CDK20: variants seen among roughly 807,000 people sequenced by gnomAD.
CDK20 encodes cyclin-dependent kinase 20.
A neutral mutation model predicts 38.6 loss-of-function variants in CDK20; 40 were observed. That is an observed-to-expected ratio of 1.04 (90% CI 0.81 to 1.35). The LOEUF (loss-of-function observed/expected upper bound fraction) is 1.35. Among genes scored for constraint, CDK20 ranks in the 40% most tolerant of loss-of-function variants. The pLI is 0.00. For missense variants in CDK20, 512 were observed against 452.6 expected (o/e 1.13, Z -1.19); for synonymous variants, 209 against 185.7 (o/e 1.13, Z -1.02).
chr9:87,967,892 G>GA (rs1340686901), intron 7 of CDK20: 1 of 490,790 alleles, frequency 2.0e-6, no homozygotes, highest in East Asian at 3.2e-5. Context: ...TAAACAAGAT[G>GA]AAGTAAAATA....
intron 2 of CDK20, 68 bp downstream of exon 2, chr9:87,973,854 T>TG: frequency 4.0e-6 from 6 of 1,509,900 alleles, no homozygotes; most frequent in Non-Finnish European, 4.5e-6. Flanking sequence ...GCTGGGAAAA[T>TG]GAAGGCACAA....
chr9:87,973,779 C>T (rs1830029856), intron 2 of CDK20, 143 bp downstream of exon 2: 2 of 789,800 alleles, frequency 2.5e-6, no homozygotes, highest in Non-Finnish European at 4.0e-6. Flanking sequence ...GGTAAGGAGG[C>T]AGATGAATGA....
At position 87,969,235 on chromosome 9, in the gene CDK20, A is replaced by G. The variant is rs1290224899; in HGVS notation, c.802T>C (p.Phe268Leu). 1.2e-6 allele frequency: 2 copies of G among 1,614,018 alleles called. No homozygotes were observed. The highest frequency in any genetic ancestry group is 1.7e-6 in the Non-Finnish European group (2 of 1,179,956). ...CGCTGGTGAGGAGGGTAGAGAAGGA[A>G]TTGACCCAGCAGATCCAATGCCTGG... ...SPQALDLLGQ[F>L]LLYPPHQRIA... Residue 268 changes from phenylalanine (F) to leucine (L), a missense_variant, in exon 7 of 8, where the codon TTC becomes CTC. By Grantham distance (22) the Phe-to-Leu change is conservative. Coordinates refer to ENST00000325303, the MANE Select transcript of CDK20 (RefSeq NM_001039803.3).
chr9:87,967,744 A>G lies in CDK20; in HGVS notation c.844-85T>C, dbSNP rs557860512. The G allele has an allele frequency of 7.4e-5, 89 of 1,205,402 alleles. No homozygotes were observed. In the Middle Eastern group the frequency reaches 1.1e-3, roughly 14 times the overall value. The allele number at this position is 1,205,402 out of a possible 1,614,324, so 74.7% of individuals were successfully genotyped here. ...CAAGCAGATGTTCCTTCATCTATGC[A>G]TTCAGCTGACTCAGTGTGTCTGGGT... On this transcript the variant is annotated intron_variant, in intron 7 of 7. Transcript: ENST00000325303.
In CDK20 at chr9:87,969,825, A is replaced by G. The variant is rs1236790622; in HGVS notation, c.658T>C (p.Leu220=). 1 of 1,613,788 alleles carries G rather than the reference A, an allele frequency of 6.2e-7. No individual in the cohort carries two copies. Among genetic ancestry groups the G allele is most frequent in the Non-Finnish European group, 8.5e-7 (1 of 1,179,826 alleles). The stretch of plus-strand genomic sequence containing the variant: ...CAGACTTGAGGGTTTGGGGTGCCCA[A>G]GATGCGAAGCACATAGCAAAGCTGT... ...IEQLCYVLRI[L]GTPNPQVWPE... Residue 220 remains leucine, a synonymous_variant, in exon 6 of 8, where the codon TTG becomes CTG. Transcript: ENST00000325303.
At chr9:87,971,402 C>T in intron 2 of CDK20, 67 bp from the exon 3 acceptor site, 1 of 1,442,268 alleles carries the variant, frequency 6.9e-7, no homozygotes, top group Non-Finnish European at 9.5e-7. Context: ...ACCCTGAGAC[C>T]CCAGCCCATG....
chr9:87,970,936 C>T (rs760739389), intron 3 of CDK20, 39 bp from the exon 4 acceptor site: 3 of 1,612,044 alleles, frequency 1.9e-6, no homozygotes, highest in South Asian at 1.1e-5. Flanking sequence ...CTCCAAATCC[C>T]CCATAGGACC....
At chr9:87,970,419 A>G (rs1402074361) in intron 5 of CDK20, 149 bp downstream of exon 5, 2 of 702,692 alleles carry the variant, frequency 2.8e-6, no homozygotes, top group Admixed American at 3.0e-5. Flanking sequence ...CCCAACCCCA[A>G]AGTGCTCAGA....
chr9:87,970,539 T>TACC (rs1364357939), intron 5 of CDK20, 29 bp downstream of exon 5: 1 of 1,602,144 alleles, frequency 6.2e-7, no homozygotes, highest in Non-Finnish European at 8.5e-7. Context: ...TGAGCCATGT[T>TACC]ACCCTTTGAC....
intron 5 of CDK20, 135 bp from the exon 6 acceptor site, chr9:87,970,054 A>G (rs1829742237): frequency 9.6e-7 from 1 of 1,038,814 alleles, no homozygotes; most frequent in Non-Finnish European, 1.4e-6. Context: ...CCAGAGGCCC[A>G]GTCCCTGAAC....
intron 2 of CDK20, among the ~76,000 whole-genome samples, chr9:87,973,598 G>A (rs574471044): frequency 1.0e-3 from 157 of 152,252 alleles, no homozygotes; most frequent in Non-Finnish European, 1.7e-3. Flanking sequence ...AGAACACATC[G>A]GGAGCTCAAT....
chr9:87,971,381 C>A, intron 2 of CDK20, 46 bp from the exon 3 acceptor site: 2 of 1,549,644 alleles, frequency 1.3e-6, no homozygotes, highest in South Asian at 1.2e-5. Context: ...AGTCACCAGA[C>A]CCTCTCTGTG....
chr9:87,973,950 G>A lies in CDK20; in HGVS notation c.161C>T (p.Ala54Val). 1 of 1,614,092 alleles carries A rather than the reference G, an allele frequency of 6.2e-7. No individual in the cohort carries two copies. The highest frequency in any genetic ancestry group is 8.5e-7 in the Non-Finnish European group (1 of 1,179,986). The change falls in exon 2 of 8, where the codon GCT becomes GTT. Residue 54 changes from alanine (A) to valine (V), a missense_variant. Coordinates refer to ENST00000325303, the MANE Select transcript of CDK20 (RefSeq NM_001039803.3). Reference sequence around the variant, plus strand: ...CTGATTGTCCTCCATCTCCTGCAGAGCCTTAATCTCCCGCAGGGCCTGGTT... The same window carrying A: ...CTGATTGTCCTCCATCTCCTGCAGAACCTTAATCTCCCGCAGGGCCTGGTT... ...FPNQALREIK[A>V]LQEMEDNQYV... is the part of the protein sequence containing the mutation.
chr9:87,967,397 G>A lies in CDK20; in HGVS notation c.*65C>T, dbSNP rs1829504832. 1.3e-6 allele frequency: 2 copies of A among 1,501,258 alleles called. No individual in the cohort carries two copies. Among genetic ancestry groups the A allele is most frequent in the East Asian group, 2.5e-5 (1 of 40,680 alleles). 93.0% of individuals were successfully genotyped at this position (1,501,258 alleles called of 1,614,324 possible). A position where few individuals can be genotyped will look rare whatever the true frequency, so the allele number is the denominator to read the frequency against. ...GGCCTTGGAGGGTGAAGCCAGGCAG[G>A]TGGCAGAGGAACAGGTGGACTGAGT... On this transcript the variant is annotated 3_prime_UTR_variant, in exon 8 of 8. Transcript: ENST00000325303.
intron 1 of CDK20, 96 bp from the exon 2 acceptor site, chr9:87,974,131 C>T (rs554525698): frequency 2.5e-6 from 4 of 1,586,330 alleles, no homozygotes; most frequent in South Asian, 2.2e-5. Flanking sequence ...GAGACACGCG[C>T]CCCCGGCTCG....
intron 7 of CDK20, 151 bp downstream of exon 7, chr9:87,969,043 C>G: frequency 1.2e-6 from 1 of 862,036 alleles, no homozygotes. Flanking sequence ...AGGCCCCTGT[C>G]CCCTGGGTTC....
At position 87,974,410 on chromosome 9, in the gene CDK20, C is replaced by T. The variant is rs1362514521; in HGVS notation, c.37G>A (p.Gly13Ser). The change falls in exon 1 of 8, where the codon GGC (glycine) becomes AGC (serine). Residue 13 changes from glycine to serine, a missense_variant. Physicochemically the swap from Gly to Ser is moderately conservative, Grantham distance 56 (BLOSUM62 0). Coordinates refer to ENST00000325303, the MANE Select transcript of CDK20 (RefSeq NM_001039803.3). ...GCCTTGAAGACGATGCCGTGGGCGC[C>T]CTCCCCGATGCGGCCCAGGATGCAG... ...QYCILGRIGE[G>S]AHGIVFKAKH... is the part of the protein sequence containing the mutation. The T allele has an allele frequency of 6.2e-7, 1 of 1,612,958 alleles. No homozygotes were observed. Among genetic ancestry groups the T allele is most frequent in the South Asian group, 1.1e-5 (1 of 91,080 alleles).
In CDK20 at chr9:87,969,139, C is replaced by G. The variant is rs758999655; in HGVS notation, c.843+55G>C. ...TCACATGGCTACCAAGTACAGAGTACCAGGGTGATGGGGAGGGGAGCTGAA... is the reference window on the plus strand; with the variant it reads ...TCACATGGCTACCAAGTACAGAGTAGCAGGGTGATGGGGAGGGGAGCTGAA... On this transcript the variant is annotated intron_variant, in intron 7 of 7. Transcript: ENST00000325303. 4 of 1,591,010 alleles carry G rather than the reference C, an allele frequency of 2.5e-6. No homozygotes were observed. The Admixed American group carries it at 5.1e-5, about 20-fold the overall frequency.
intron 1 of CDK20, 101 bp from the exon 2 acceptor site, chr9:87,974,136 G>T: frequency 1.3e-6 from 2 of 1,579,388 alleles, no homozygotes; most frequent in East Asian, 2.2e-5. Flanking sequence ...ACGCGCCCCC[G>T]GCTCGGCCAG....
Sources: allele counts gnomAD v4.1 joint callset (sites outside exome capture counted in the v4.1 genomes callset), GRCh38; gene constraint gnomAD v4.1.1; transcripts MANE v1.5; gene names NCBI Gene and HGNC (gene_info 2026-07-23, HGNC 2026-07-21).